LINGO3: variants seen among roughly 807,000 people sequenced by gnomAD.
LINGO3 encodes leucine rich repeat and Ig domain containing 3, also known as leucine-rich repeat and immunoglobulin-like domain-containing nogo receptor-interacting protein 3.
For synonymous variants in LINGO3, 427 were observed against 444.2 expected (o/e 0.96, Z 0.49); for missense variants, 750 against 867.7 (o/e 0.86, Z 1.70).
exon 1 of LINGO3, chr19:2,291,872 G>A: frequency 3.6e-6 from 4 of 1,126,292 alleles, no homozygotes; most frequent in Non-Finnish European, 5.0e-6. Context: ...GCACCCCTCC[G>A]CGGCGCCTCT....
chr19:2,291,490 C>G, exon 1 of LINGO3: 2 of 1,612,008 alleles, frequency 1.2e-6, no homozygotes, highest in Non-Finnish European at 1.7e-6. Context: ...GGCGAAGGCG[C>G]CGGGCTCCAC....
exon 1 of LINGO3, chr19:2,291,066 C>G: frequency 6.2e-7 from 1 of 1,610,178 alleles, no homozygotes; most frequent in Non-Finnish European, 8.5e-7. Flanking sequence ...CCGCCGCCAC[C>G]TCCTCCAGCA....
exon 1 of LINGO3, chr19:2,291,688 T>A: frequency 7.5e-7 from 1 of 1,340,894 alleles, no homozygotes; most frequent in Non-Finnish European, 9.5e-7. Flanking sequence ...CACGGTGCAC[T>A]CGCAGCGGGC....
downstream of LINGO3, among the ~76,000 whole-genome samples, chr19:2,288,464 G>A (rs546910659): frequency 6.6e-6 from 1 of 152,316 alleles, no homozygotes; most frequent in Non-Finnish European, 1.5e-5. The surrounding 1 kb of genome is among the most constrained non-coding windows in gnomAD (Gnocchi z 6.5). Flanking sequence ...GAGGTCATGT[G>A]TACCTAGGGG....
At chr19:2,301,540 C>T in the LINGO3 span, among the ~76,000 whole-genome samples, 2 of 152,088 alleles carry the variant, frequency 1.3e-5, no homozygotes, top group East Asian at 1.9e-4. Context: ...CAGGAGGAGC[C>T]AGGGTGATTC....
the LINGO3 span, among the ~76,000 whole-genome samples, chr19:2,304,217 G>A: frequency 2.0e-5 from 3 of 152,192 alleles, no homozygotes; most frequent in Non-Finnish European, 4.4e-5. Context: ...GGTTTTAAGA[G>A]AAACAGCAGT....
At chr19:2,302,060 G>GT in the LINGO3 span, among the ~76,000 whole-genome samples, 217 of 71,696 alleles carry the variant, frequency 3.0e-3, 4 homozygotes, top group Middle Eastern at 9.1e-3. Context: ...TTTGTGGGTA[G>GT]TTTTTTTTTT....
the LINGO3 span, among the ~76,000 whole-genome samples, chr19:2,301,023 G>A: frequency 6.6e-6 from 1 of 151,856 alleles, no homozygotes; most frequent in Non-Finnish European, 1.5e-5. Flanking sequence ...CCTGGGAGCA[G>A]AATCACCCTG....
the LINGO3 span, among the ~76,000 whole-genome samples, chr19:2,299,881 G>A: frequency 4.8e-5 from 7 of 146,910 alleles, no homozygotes; most frequent in South Asian, 4.3e-4. Flanking sequence ...CCGCCACCAC[G>A]CCCGGCTAAT....
At chr19:2,300,994 C>T in the LINGO3 span, among the ~76,000 whole-genome samples, 1 of 151,764 alleles carries the variant, frequency 6.6e-6, no homozygotes, top group East Asian at 1.9e-4. Context: ...CAGATGTCCC[C>T]AGACTTTACC....
the LINGO3 span, among the ~76,000 whole-genome samples, chr19:2,302,804 C>T: frequency 1.6e-3 from 237 of 152,350 alleles, no homozygotes; most frequent in Non-Finnish European, 2.9e-3. Context: ...GCAGGGACGG[C>T]GTTGGCGGTG....
the LINGO3 span, among the ~76,000 whole-genome samples, chr19:2,299,816 T>C: frequency 7.4e-6 from 1 of 134,258 alleles, no homozygotes; most frequent in African/African-American, 2.9e-5. Context: ...CTTCGCCCCC[T>C]GGGTTCATGC....
Position 2,290,382 on chromosome 19 carries a change from C to T in LINGO3, c.1395G>A (p.Leu465=). ...CCTGCGGCCGCGCGTCCTGGATCTC[C>T]AGCGTCCCCCCGGGGAGCACGCGCG... The change falls in exon 1 of 1, where the codon CTG becomes CTA. Residue 465 remains leucine (L), a synonymous_variant. Coordinates refer to ENST00000585527, the Ensembl canonical transcript of LINGO3. This position sits in a 1 kb window ranked among gnomAD's most constrained non-coding sequence, Gnocchi z 6.0. The T allele has an allele frequency of 6.8e-7, 1 of 1,478,216 alleles. No homozygotes were observed. The highest frequency in any genetic ancestry group is 8.9e-7 in the Non-Finnish European group (1 of 1,122,700). The allele number at this position is 1,478,216 out of a possible 1,614,324, so 91.6% of individuals were successfully genotyped here.
upstream of LINGO3, among the ~76,000 whole-genome samples, chr19:2,293,635 C>G (rs931933358): frequency 2.0e-5 from 3 of 151,230 alleles, no homozygotes; most frequent in Non-Finnish European, 4.4e-5. Context: ...GCTGGGATTA[C>G]AGGTGTGAGC....
At chr19:2,293,368 T>A (rs967458476), upstream of LINGO3, among the ~76,000 whole-genome samples, 4 of 136,188 alleles carry the variant, frequency 2.9e-5, no homozygotes, top group Admixed American at 7.3e-5. Context: ...CTGGCCTTTT[T>A]TTTTTTTTGG....
chr19:2,308,142 AGCCGCCGCCGCCGCCGCCGCCGCC>A, the LINGO3 span, among the ~76,000 whole-genome samples: 1 of 139,692 alleles, frequency 7.2e-6, no homozygotes, highest in South Asian at 2.2e-4. Flanking sequence ...CGACACGAGC[AGCCGCCGCCGCCGCCGCCGCCGCC>A]GCCGCCGCCT....
the LINGO3 span, among the ~76,000 whole-genome samples, chr19:2,304,708 TGC>T: frequency 8.2e-6 from 1 of 122,370 alleles, no homozygotes; most frequent in Admixed American, 8.7e-5. Context: ...GGCCATGTCC[TGC>T]TTTTTTTTTT....
chr19:2,295,780 C>G (rs1252995199), upstream of LINGO3, among the ~76,000 whole-genome samples: 2 of 152,064 alleles, frequency 1.3e-5, no homozygotes, highest in Non-Finnish European at 2.9e-5. Context: ...AAACTGAATT[C>G]TGGATTTAGG....
the LINGO3 span, among the ~76,000 whole-genome samples, chr19:2,306,700 C>T: frequency 2.6e-5 from 4 of 152,118 alleles, no homozygotes; most frequent in African/African-American, 7.2e-5. Context: ...CGGAAGTCAC[C>T]GGTGAAGACC....
Sources: allele counts gnomAD v4.1 joint callset (sites outside exome capture counted in the v4.1 genomes callset), GRCh38; gene constraint gnomAD v4.1.1; non-coding constraint Gnocchi (gnomAD v3.1); transcripts MANE v1.5; gene names NCBI Gene and HGNC (gene_info 2026-07-23, HGNC 2026-07-21).